The following ZNF875 variants were observed in gnomAD, a reference collection of about 807,000 sequenced individuals.
The protein encoded by ZNF875 is HKR1, GLI-Kruppel zinc finger family member.
ZNF875 carries 14 observed loss-of-function variants against 11.2 expected under a neutral mutation model. That is an observed-to-expected ratio of 1.26 (90% CI 0.83 to 1.96). The LOEUF is 1.96. Ranked by LOEUF, ZNF875 falls within the 30% of genes most tolerant of loss-of-function variation. The probability of loss-of-function intolerance (pLI) is 0.00; values close to 1 mark genes in which losing one functional copy is unlikely to be tolerated. For missense variants in ZNF875, 752 were observed against 760.4 expected, an observed-to-expected ratio of 0.99 and a Z score of 0.13; for synonymous variants, 301 against 281.1, an observed-to-expected ratio of 1.07 and a Z score of -0.71.
rs1331967901 is a variant in ZNF875, at chr19:37,334,734, T to G, written c.-105T>G. On this transcript the variant is annotated 5_prime_UTR_variant, in exon 1 of 5. Coordinates refer to ENST00000392153, the MANE Select transcript of ZNF875 (RefSeq NM_001353803.2). ...AAGGTCTTTCCCACACCTCTGCACC[T>G]TGTTACCTGACTTTCGGCTTCAGGA... 1 of 456,172 alleles carries G rather than the reference T, an allele frequency of 2.2e-6. No homozygotes were observed. Among genetic ancestry groups the G allele is most frequent in the Admixed American group, 2.3e-5 (1 of 42,578 alleles). 28.3% of individuals were successfully genotyped at this position (456,172 alleles called of 1,614,324 possible). A position where few individuals can be genotyped will look rare whatever the true frequency, so the allele number is the denominator to read the frequency against.
rs2033923358 is a variant in ZNF875, at chr19:37,334,693, G to A, written c.-146G>A. ...GGCGCGTTAAGCTGGTTGGGACCCG[G>A]GAAGGCCTCCCTCTTAAGGTCTTTC... On this transcript the variant is annotated 5_prime_UTR_variant, in exon 1 of 5. Coordinates refer to ENST00000392153, the MANE Select transcript of ZNF875 (RefSeq NM_001353803.2). 4.4e-6 allele frequency: 2 copies of A among 455,928 alleles called. No homozygotes were observed. The highest frequency in any genetic ancestry group is 2.0e-5 in the African/African-American group (1 of 50,066). The allele number at this position is 455,928 out of a possible 1,614,324, so 28.2% of individuals were successfully genotyped here. A position where few individuals can be genotyped will look rare whatever the true frequency, so the allele number is the denominator to read the frequency against.
upstream of ZNF875, chr19:37,317,178 G>GTT (rs1568554931): frequency 1.1e-5 from 1 of 95,194 alleles, no homozygotes; most frequent in Non-Finnish European, 2.1e-5. Flanking sequence ...TTACTAACCT[G>GTT]GTTTTTTTTT....
chr19:37,333,834 A>G (rs115737423), upstream of ZNF875, among the ~76,000 whole-genome samples: 3,755 of 152,238 alleles, frequency 0.025, 179 homozygotes, highest in African/African-American at 0.085. Flanking sequence ...TAATATCTTT[A>G]AAAATAAAAT....
chr19:37,358,028 T>C (rs1408799903), intron 4 of ZNF875: 3 of 398,334 alleles, frequency 7.5e-6, no homozygotes, highest in African/African-American at 6.2e-5. Context: ...AGATAACTCT[T>C]CTTATTTTGA....
At chr19:37,340,758 C>G (rs1254650369) in intron 2 of ZNF875, among the ~76,000 whole-genome samples, 3 of 150,402 alleles carry the variant, frequency 2.0e-5, no homozygotes, top group Non-Finnish European at 4.4e-5. Flanking sequence ...ACGCCATTCT[C>G]CTGCCTCAGC....
chr19:37,360,306 A>G (rs767011676), intron 4 of ZNF875, among the ~76,000 whole-genome samples: 1 of 152,204 alleles, frequency 6.6e-6, no homozygotes, highest in African/African-American at 2.4e-5. Context: ...ACAGTAGCAC[A>G]CTATCTTCAT....
At chr19:37,325,889 T>G (rs1470718974) in intron 4 of ZNF875, among the ~76,000 whole-genome samples, 1 of 152,142 alleles carries the variant, frequency 6.6e-6, no homozygotes, top group Non-Finnish European at 1.5e-5. Flanking sequence ...TGTATTTTTT[T>G]GTTAAGACAG....
chr19:37,319,931 G>GA (rs2031039426), intron 1 of ZNF875, among the ~76,000 whole-genome samples: 1 of 152,190 alleles, frequency 6.6e-6, no homozygotes, highest in Admixed American at 6.5e-5. Context: ...CTGTCACCCA[G>GA]GCTGGAGTGT....
rs752516469 is a variant in ZNF875 at position 37,363,810 on chromosome 19, T to G, written c.*35T>G. On this transcript the variant is annotated 3_prime_UTR_variant, in exon 5 of 5. Transcript: ENST00000392153. ...GTGTATAGGGAATGTGGTACAGCCT[T>G]TAGCCAGGAGTCATACTTCATCAGA... The G allele has an allele frequency of 1.3e-6, 2 of 1,573,578 alleles. No homozygotes were observed. Among genetic ancestry groups the G allele is most frequent in the South Asian group, 2.2e-5 (2 of 89,052 alleles).
chr19:37,335,931 G>T (rs544149678), intron 2 of ZNF875, among the ~76,000 whole-genome samples: 1 of 152,166 alleles, frequency 6.6e-6, no homozygotes, highest in African/African-American at 2.4e-5. Context: ...CTGGAAGAGT[G>T]CCTCGTTCTA....
At chr19:37,329,628 C>T (rs1002219946) in intron 4 of ZNF875, among the ~76,000 whole-genome samples, 2 of 152,182 alleles carry the variant, frequency 1.3e-5, no homozygotes, top group African/African-American at 4.8e-5. Flanking sequence ...TCTGTGGTGT[C>T]TAGCACATTC....
chr19:37,358,135 T>A, intron 4 of ZNF875: 14 of 124,146 alleles, frequency 1.1e-4, no homozygotes, highest in East Asian at 3.9e-4. Context: ...AAGATGATCT[T>A]TTTTTTTTTT....
At chr19:37,334,001 T>G (rs2033795901), upstream of ZNF875, among the ~76,000 whole-genome samples, 2 of 151,966 alleles carry the variant, frequency 1.3e-5, no homozygotes, top group Admixed American at 6.6e-5. Context: ...CTGATCAAGC[T>G]TCGGATCCCC....
chr19:37,363,721 G>C lies in ZNF875; in HGVS notation c.1869G>C (p.Arg623=), dbSNP rs2040377016. The stretch of plus-strand genomic sequence containing the variant: ...CTTATATTTGCAGAAAGTGTGGACG[G>C]GGCTTTAGTCGGAAGTCCAACCTTA... ...EKPYICRKCG[R]GFSRKSNLIR... is the part of the protein sequence containing the mutation. The change falls in exon 5 of 5, where the codon CGG becomes CGC. Residue 623 remains arginine (R), a synonymous_variant. Coordinates refer to ENST00000392153, the MANE Select transcript of ZNF875 (RefSeq NM_001353803.2). The C allele has an allele frequency of 2.5e-6, 4 of 1,613,622 alleles. No homozygotes were observed. The highest frequency in any genetic ancestry group is 2.2e-5 in the East Asian group (1 of 44,816).
intron 2 of ZNF875, among the ~76,000 whole-genome samples, chr19:37,322,804 T>G (rs1022261384): frequency 2.0e-4 from 30 of 152,306 alleles, no homozygotes; most frequent in African/African-American, 7.0e-4. Flanking sequence ...GCCCATATTT[T>G]CAGCCTCTTC....
chr19:37,314,457 G>A (rs1441274236), upstream of ZNF875, among the ~76,000 whole-genome samples: 4 of 125,546 alleles, frequency 3.2e-5, no homozygotes, highest in African/African-American at 1.2e-4. Flanking sequence ...GCATCTAATG[G>A]AAAATTTCCA....
chr19:37,332,138 C>G (rs867836170), upstream of ZNF875, among the ~76,000 whole-genome samples: 1 of 148,476 alleles, frequency 6.7e-6, no homozygotes, highest in East Asian at 2.0e-4. Context: ...GACCCTCTCC[C>G]CACAATTGTC....
chr19:37,348,616 T>C (rs1260681935), intron 4 of ZNF875, among the ~76,000 whole-genome samples: 1 of 152,230 alleles, frequency 6.6e-6, no homozygotes, highest in Non-Finnish European at 1.5e-5. Context: ...TCATTCATTT[T>C]TGTGGCTATA....
Position 37,348,562 on chromosome 19 carries a change from C to T in ZNF875, c.256+690C>T, listed in dbSNP as rs939044549. On this transcript the variant is annotated intron_variant, in intron 4 of 4. Coordinates refer to ENST00000392153, the MANE Select transcript of ZNF875 (RefSeq NM_001353803.2). The stretch of plus-strand genomic sequence containing the variant: ...TATTATGTATGTATTTTGTTTTCTT[C>T]CCTGAGACTAATTTTGTACTATGTT... 2.8e-4 allele frequency among the ~76,000 whole-genome samples: 43 copies of T among 152,130 alleles called. 1 individual carries two copies. The highest frequency in any genetic ancestry group is 2.4e-3 in the Admixed American group (36 of 15,282).
Sources: gnomAD v4.1 joint callset for allele counts (sites outside exome capture counted in the v4.1 genomes callset) on GRCh38, gnomAD v4.1.1 for gene constraint, MANE v1.5 for transcripts, NCBI Gene and HGNC (gene_info 2026-07-23, HGNC 2026-07-21) for gene names.